ZNF462: variants seen among roughly 807,000 people sequenced by gnomAD.
The protein encoded by ZNF462 is zinc finger PBX1-interacting protein.
A neutral mutation model predicts 201.9 loss-of-function variants in ZNF462; 10 were observed. The observed-to-expected ratio is 0.05, with a 90% CI of 0.03 to 0.08. The LOEUF is 0.08. ZNF462 is among the 10% of genes least tolerant of loss of function. The pLI is 1.00. For synonymous variants in ZNF462, 1,227 were observed against 1,193.3 expected, an observed-to-expected ratio of 1.03 and a Z score of -0.58; for missense variants, 2,523 against 3,168.3, an observed-to-expected ratio of 0.80 and a Z score of 4.89.
intron 5 of ZNF462, among the ~76,000 whole-genome samples, chr9:106,934,296 G>GAA (rs61513773): frequency 2.1e-4 from 24 of 113,976 alleles, no homozygotes; most frequent in African/African-American, 5.7e-4. Flanking sequence ...CTCTTGAGAT[G>GAA]AAAAAAAAAA....
chr9:107,008,889 T>G lies in ZNF462; in HGVS notation c.7190-656T>G, dbSNP rs936468900. Among the ~76,000 whole-genome samples the G allele has an allele frequency of 3.3e-5, 5 of 152,222 alleles. No homozygotes were observed. The South Asian group carries it at 8.3e-4, about 25-fold the overall frequency. Reference sequence around the variant, plus strand: ...GTGCCAGGCAGCTGGCCAGGATCTCTCAATAGCAGGGGACATGTGTTCACA... The same window carrying G: ...GTGCCAGGCAGCTGGCCAGGATCTCGCAATAGCAGGGGACATGTGTTCACA... On this transcript the variant is annotated intron_variant, in intron 11 of 12. Coordinates refer to ENST00000277225, the MANE Select transcript of ZNF462 (RefSeq NM_021224.6). The surrounding 1 kb of genome is among the most constrained non-coding windows in gnomAD (Gnocchi z 4.8).
intron 1 of ZNF462, 31 bp downstream of exon 1, chr9:106,863,386 G>T (rs1478300119): frequency 1.0e-5 from 4 of 393,470 alleles, no homozygotes; most frequent in Non-Finnish European, 1.8e-5. Context: ...ACCACCTCGG[G>T]GTGGTCCGAG....
At chr9:106,953,344 C>T (rs1244011566) in intron 7 of ZNF462, among the ~76,000 whole-genome samples, 1 of 152,148 alleles carries the variant, frequency 6.6e-6, no homozygotes, top group Non-Finnish European at 1.5e-5. Context: ...CTCTGGAATT[C>T]CTTGCAGCAT....
At chr9:106,873,356 A>G (rs947197537) in intron 1 of ZNF462, among the ~76,000 whole-genome samples, 1 of 152,060 alleles carries the variant, frequency 6.6e-6, no homozygotes, top group Non-Finnish European at 1.5e-5. Context: ...TTTTAAAATT[A>G]TATCAAACTC....
chr9:106,887,088 G>A (rs1056814812), intron 1 of ZNF462, among the ~76,000 whole-genome samples: 5 of 152,138 alleles, frequency 3.3e-5, no homozygotes, highest in African/African-American at 1.2e-4. Context: ...TTTAGTCAAG[G>A]GCAGAGAATC....
In ZNF462 at chr9:106,863,667, C is replaced by T. The variant is rs553896393; in HGVS notation, c.-31+312C>T. Among the ~76,000 whole-genome samples, 11 of 152,094 alleles carry T rather than the reference C, an allele frequency of 7.2e-5. No individual in the cohort carries two copies. In the East Asian group the frequency reaches 1.4e-3, roughly 19 times the overall value. On this transcript the variant is annotated intron_variant, in intron 1 of 12. Transcript: ENST00000277225. ...GGCAGTGGAGGTGGCTGTGCTTTTCCTGCTGGCTGCTGCTCCTGCTGGGGG... is the reference window on the plus strand; with the variant it reads ...GGCAGTGGAGGTGGCTGTGCTTTTCTTGCTGGCTGCTGCTCCTGCTGGGGG...
At chr9:106,871,675 A>T (rs1157930505) in intron 1 of ZNF462, among the ~76,000 whole-genome samples, 1 of 152,244 alleles carries the variant, frequency 6.6e-6, no homozygotes, top group East Asian at 1.9e-4. Context: ...AGGACAATTT[A>T]TGTGACTTTG....
intron 10 of ZNF462, among the ~76,000 whole-genome samples, chr9:106,987,705 G>A (rs1771177769): frequency 1.3e-5 from 2 of 152,100 alleles, no homozygotes; most frequent in South Asian, 4.1e-4. Flanking sequence ...TATTGCATTT[G>A]GTTTTGGGTT....
chr9:106,965,229 A>AT (rs1832018854), intron 7 of ZNF462, among the ~76,000 whole-genome samples: 1 of 152,092 alleles, frequency 6.6e-6, no homozygotes, highest in Non-Finnish European at 1.5e-5. Flanking sequence ...ATCCCCAAGG[A>AT]TGCAATACGT....
chr9:106,891,763 C>T lies in ZNF462; in HGVS notation c.-31+28408C>T, dbSNP rs550291012. On this transcript the variant is annotated intron_variant, in intron 1 of 12. Coordinates refer to ENST00000277225, the MANE Select transcript of ZNF462 (RefSeq NM_021224.6). The stretch of plus-strand genomic sequence containing the variant: ...CTGAAGTAGCTTAGAGTATGTTTTC[C>T]TGGCTTTTTGTTCCCCCCTCTGGAT... 3.9e-5 allele frequency among the ~76,000 whole-genome samples: 6 copies of T among 152,252 alleles called. No homozygotes were observed. In the East Asian group the frequency reaches 1.2e-3, roughly 29 times the overall value.
chr9:106,912,182 A>C (rs1298936323), intron 1 of ZNF462, among the ~76,000 whole-genome samples: 1 of 152,162 alleles, frequency 6.6e-6, no homozygotes, highest in Non-Finnish European at 1.5e-5. Context: ...TTTCCATAAG[A>C]AACAAGATGA....
At position 106,890,330 on chromosome 9, in the gene ZNF462, C is replaced by T. The variant is rs766252745; in HGVS notation, c.-31+26975C>T. On this transcript the variant is annotated intron_variant, in intron 1 of 12. Transcript: ENST00000277225. The surrounding 1 kb of genome is among the most constrained non-coding windows in gnomAD (Gnocchi z 4.2). ...GTCAACCCGGCAACACATGCAGTGC[C>T]CCTTCCGGGAACACTGGTGATCTTC... Among the ~76,000 whole-genome samples the T allele has an allele frequency of 6.6e-6, 1 of 152,202 alleles. No individual in the cohort carries two copies. The highest frequency in any genetic ancestry group is 2.4e-5 in the African/African-American group (1 of 41,442).
At chr9:106,937,830 G>A (rs1252325606) in intron 6 of ZNF462, among the ~76,000 whole-genome samples, 1 of 151,922 alleles carries the variant, frequency 6.6e-6, no homozygotes, top group African/African-American at 2.4e-5. Flanking sequence ...TTTCCTTATG[G>A]TTGTAAATTT....
intron 1 of ZNF462, among the ~76,000 whole-genome samples, chr9:106,916,372 C>T (rs1481763795): frequency 6.6e-6 from 1 of 152,212 alleles, no homozygotes; most frequent in Non-Finnish European, 1.5e-5. Flanking sequence ...TGTACTGCAG[C>T]TTCTGCTTAC....
At chr9:106,956,913 G>A (rs182885635) in intron 7 of ZNF462, among the ~76,000 whole-genome samples, 6 of 152,284 alleles carry the variant, frequency 3.9e-5, no homozygotes, top group East Asian at 1.9e-4. Context: ...AGAGAATGTC[G>A]TGGCTGATTT....
intron 1 of ZNF462, among the ~76,000 whole-genome samples, chr9:106,887,465 T>G (rs1828371073): frequency 6.6e-6 from 1 of 152,198 alleles, no homozygotes; most frequent in African/African-American, 2.4e-5. Flanking sequence ...ACCATCAGTA[T>G]TCCAAGATAC....
At chr9:106,896,751 G>A (rs1049664497) in intron 1 of ZNF462, among the ~76,000 whole-genome samples, 18 of 152,180 alleles carry the variant, frequency 1.2e-4, no homozygotes, top group African/African-American at 4.3e-4. Flanking sequence ...GCTGTCTCTT[G>A]TATAGGATAC....
In ZNF462 at chr9:106,929,766, A is replaced by T; in HGVS notation, c.5847+7A>T. 6.3e-7 allele frequency: 1 copy of T among 1,599,980 alleles called. No individual in the cohort carries two copies. Among genetic ancestry groups the T allele is most frequent in the Non-Finnish European group, 8.5e-7 (1 of 1,172,286 alleles). On this transcript the variant is annotated splice_region_variant and intron_variant, in intron 3 of 12. Coordinates refer to ENST00000277225, the MANE Select transcript of ZNF462 (RefSeq NM_021224.6). This position sits in a 1 kb window ranked among gnomAD's most constrained non-coding sequence, Gnocchi z 8.7. ...AGATTTCAAACAAGAGAGGGTAAGG[A>T]TATGTTTTGATTTCCCTTCCCCCAG... is the stretch of plus-strand genomic sequence containing the variant.
chr9:106,907,607 C>A (rs1829325411), intron 1 of ZNF462, among the ~76,000 whole-genome samples: 1 of 151,818 alleles, frequency 6.6e-6, no homozygotes, highest in Non-Finnish European at 1.5e-5. Flanking sequence ...TTGCCCTACT[C>A]CCTTTTTGTT....
Sources: gnomAD v4.1 joint callset for allele counts (sites outside exome capture counted in the v4.1 genomes callset) on GRCh38, gnomAD v4.1.1 for gene constraint, Gnocchi (gnomAD v3.1) non-coding constraint, MANE v1.5 for transcripts, NCBI Gene and HGNC (gene_info 2026-07-23, HGNC 2026-07-21) for gene names.